KANSL1L: variants seen among roughly 807,000 people sequenced by gnomAD.
KANSL1L encodes KAT8 regulatory NSL complex subunit 1 like, also known as KAT8 regulatory NSL complex subunit 1-like protein.
KANSL1L carries 25 observed loss-of-function variants against 108.6 expected under a neutral mutation model. The ratio of observed to expected loss-of-function variants is 0.23; its 90% CI spans 0.17 to 0.32. The LOEUF is 0.32. Among genes scored for constraint, KANSL1L ranks in the 10% least tolerant of loss-of-function variants. The pLI, the probability that KANSL1L is intolerant of heterozygous loss-of-function variation, is 1.00. For missense variants in KANSL1L, 1,137 were observed against 1,125.7 expected (o/e 1.01, Z -0.14); for synonymous variants, 405 against 395.1 (o/e 1.03, Z -0.30).
chr2:210,157,922 T>G (rs1261393961), intron 1 of KANSL1L, among the ~76,000 whole-genome samples: 2 of 151,878 alleles, frequency 1.3e-5, no homozygotes, highest in African/African-American at 2.4e-5. Context: ...GAAAGCAGAT[T>G]AGTATTTAAG....
intron 6 of KANSL1L, among the ~76,000 whole-genome samples, chr2:210,068,193 A>G (rs1254281793): frequency 6.6e-6 from 1 of 152,186 alleles, no homozygotes; most frequent in East Asian, 1.9e-4. Context: ...TTTTATTTAA[A>G]AAATTTATTG....
intron 12 of KANSL1L, among the ~76,000 whole-genome samples, chr2:210,027,090 T>C (rs1220296093): frequency 6.6e-6 from 1 of 152,136 alleles, no homozygotes; most frequent in Non-Finnish European, 1.5e-5. Flanking sequence ...TAAATTATTG[T>C]GTATTTCTAT....
chr2:210,120,323 C>T (rs1423447671), intron 3 of KANSL1L, among the ~76,000 whole-genome samples: 7 of 152,100 alleles, frequency 4.6e-5, no homozygotes, highest in Admixed American at 1.3e-4. Flanking sequence ...AGCCAGGAGG[C>T]GGAGGTTGCA....
intron 5 of KANSL1L, among the ~76,000 whole-genome samples, chr2:210,086,709 A>G (rs1275582591): frequency 6.6e-6 from 1 of 152,080 alleles, no homozygotes; most frequent in Non-Finnish European, 1.5e-5. Flanking sequence ...TTAAATACTT[A>G]AGAGAATTAT....
At chr2:210,132,728 T>C (rs1216924862) in intron 2 of KANSL1L, among the ~76,000 whole-genome samples, 3 of 152,206 alleles carry the variant, frequency 2.0e-5, no homozygotes, top group Non-Finnish European at 4.4e-5. Context: ...TGTTATTTCA[T>C]TTAGGATTTT....
intron 6 of KANSL1L, among the ~76,000 whole-genome samples, chr2:210,060,938 C>T (rs1268787928): frequency 1.3e-5 from 2 of 152,198 alleles, no homozygotes; most frequent in African/African-American, 4.8e-5. Flanking sequence ...AGGGCTGCAA[C>T]TATTAATAGA....
intron 6 of KANSL1L, among the ~76,000 whole-genome samples, chr2:210,054,182 C>T (rs1157781228): frequency 2.6e-5 from 4 of 151,670 alleles, no homozygotes; most frequent in East Asian, 3.9e-4. Flanking sequence ...ATTAGCTGGG[C>T]GTGGTGGCGG....
intron 5 of KANSL1L, among the ~76,000 whole-genome samples, chr2:210,080,638 C>T (rs565150986): frequency 7.2e-5 from 11 of 152,328 alleles, no homozygotes; most frequent in African/African-American, 2.6e-4. Flanking sequence ...GACTAACTGA[C>T]ACCAAGTAGC....
intron 5 of KANSL1L, among the ~76,000 whole-genome samples, chr2:210,078,353 G>A (rs1051642752): frequency 1.3e-5 from 2 of 152,024 alleles, no homozygotes; most frequent in Non-Finnish European, 2.9e-5. Context: ...AATTTCTAAG[G>A]GGGCTAACAT....
intron 6 of KANSL1L, among the ~76,000 whole-genome samples, chr2:210,072,097 A>C (rs925702744): frequency 1.3e-5 from 2 of 152,212 alleles, no homozygotes; most frequent in Admixed American, 1.3e-4. Flanking sequence ...TTGTCCCAAT[A>C]ATTTTTTTTC....
intron 3 of KANSL1L, among the ~76,000 whole-genome samples, chr2:210,110,312 T>C (rs1451446887): frequency 6.6e-6 from 1 of 152,216 alleles, no homozygotes; most frequent in African/African-American, 2.4e-5. Flanking sequence ...CTTAGTCTGA[T>C]ATTTAGCTCC....
In KANSL1L at chr2:210,157,007, A is replaced by C. The variant is rs531700532; in HGVS notation, c.-29-2396T>G. ...AAATGCAAAAAAAAAAAGAAAAAAA[A>C]GATGGTTTTTTTCAGTTTATACTCT... On this transcript the variant is annotated intron_variant, in intron 1 of 14. Transcript: ENST00000281772. Among the ~76,000 whole-genome samples, 108 of 152,154 alleles carry C rather than the reference A, an allele frequency of 7.1e-4. 1 individual carries two copies. The highest frequency in any genetic ancestry group is 2.5e-3 in the African/African-American group (103 of 41,568).
intron 6 of KANSL1L, among the ~76,000 whole-genome samples, chr2:210,061,459 T>C (rs80118678): frequency 0.011 from 1,698 of 152,342 alleles, 40 homozygotes; most frequent in African/African-American, 0.039. Context: ...AAGAAGCATA[T>C]TATGATCAGA....
intron 5 of KANSL1L, among the ~76,000 whole-genome samples, chr2:210,085,990 G>C (rs1355656195): frequency 1.3e-5 from 2 of 151,174 alleles, no homozygotes; most frequent in Non-Finnish European, 3.0e-5. Flanking sequence ...CATCAACTTA[G>C]AATATGCTTC....
At chr2:210,120,932 C>G (rs756842660) in intron 3 of KANSL1L, among the ~76,000 whole-genome samples, 4 of 152,098 alleles carry the variant, frequency 2.6e-5, no homozygotes. Flanking sequence ...AAATGCAAAT[C>G]AAAACCACAA....
chr2:210,160,531 T>C (rs1575643599), intron 1 of KANSL1L, among the ~76,000 whole-genome samples: 1 of 152,094 alleles, frequency 6.6e-6, no homozygotes, highest in South Asian at 2.1e-4. Flanking sequence ...ATGCTAGAAA[T>C]AAAAAACTAG....
chr2:210,140,994 T>C (rs533932182), intron 2 of KANSL1L, among the ~76,000 whole-genome samples: 24 of 152,228 alleles, frequency 1.6e-4, no homozygotes, highest in African/African-American at 5.5e-4. Flanking sequence ...TTAATTTATT[T>C]CTAACATTGT....
At chr2:210,170,923 G>A (rs917825175) in intron 1 of KANSL1L, among the ~76,000 whole-genome samples, 7 of 151,726 alleles carry the variant, frequency 4.6e-5, no homozygotes, top group African/African-American at 1.4e-4. Flanking sequence ...AGGCTGTTAG[G>A]TTTAGCCGTT....
At chr2:210,047,333 G>A (rs921409808) in intron 6 of KANSL1L, among the ~76,000 whole-genome samples, 7 of 152,174 alleles carry the variant, frequency 4.6e-5, no homozygotes, top group African/African-American at 1.4e-4. Context: ...ATCATAAGCA[G>A]TCAGAAGGAG....
Sources: gnomAD v4.1 joint callset for allele counts (sites outside exome capture counted in the v4.1 genomes callset) on GRCh38, gnomAD v4.1.1 for gene constraint, MANE v1.5 for transcripts, NCBI Gene and HGNC (gene_info 2026-07-23, HGNC 2026-07-21) for gene names.